The following OR6B1 variants were observed in gnomAD, a reference collection of about 807,000 sequenced individuals.
The protein encoded by OR6B1 is olfactory receptor 6B1.
A neutral mutation model predicts 15.4 loss-of-function variants in OR6B1; 15 were observed. The ratio of observed to expected loss-of-function variants is 0.97; its 90% CI spans 0.65 to 1.50. The LOEUF is 1.50. Ranked by LOEUF, OR6B1 falls within the 40% of genes most tolerant of loss-of-function variation. The pLI is 0.00. For missense variants in OR6B1, 384 were observed against 385.0 expected (o/e 1.00, Z 0.02); for synonymous variants, 139 against 144.9 (o/e 0.96, Z 0.29).
chr7:144,004,849 C>G lies in OR6B1; in HGVS notation c.853C>G (p.Pro285Ala), dbSNP rs1317163155. The change falls in exon 2 of 2, where the codon CCT becomes GCT. Residue 285 changes from proline to alanine, a missense_variant. Physicochemically the swap from Pro to Ala is conservative, Grantham distance 27 (BLOSUM62 -1). Transcript: ENST00000641698. ...TGCCATTGTCACTCCTTCTCTCAAC[C>G]CTTTCATTTATTGCCTAAGAAACCG... ...FYAIVTPSLNPFIYCLRNREV... is the reference protein window; with the variant it reads ...FYAIVTPSLNAFIYCLRNREV... The G allele has an allele frequency of 1.9e-6, 3 of 1,613,280 alleles. No individual in the cohort carries two copies. In the African/African-American group the frequency reaches 4.0e-5, roughly 22 times the overall value.
Position 144,006,999 on chromosome 7 carries a change from T to C in OR6B1, c.*2067T>C, listed in dbSNP as rs1474152487. On this transcript the variant is annotated 3_prime_UTR_variant, in exon 2 of 2. Transcript: ENST00000641698. ...GGAAAACTGTTTGGGAAGGCTATGC[T>C]CTCTGGACCTGTCTAAAACAATTCC... 3.9e-5 allele frequency: 6 copies of C among 152,200 alleles called. No individual in the cohort carries two copies. Among genetic ancestry groups the C allele is most frequent in the Non-Finnish European group, 8.8e-5 (6 of 68,030 alleles). 9.4% of individuals were successfully genotyped at this position (152,200 alleles called of 1,614,324 possible).
In OR6B1 at chr7:144,004,215, C is replaced by T; in HGVS notation, c.219C>T (p.Tyr73=). The part of the protein sequence containing the change: ...LANLSFLETW[Y]ISVTVPKLLF... ...ACCTGTCCTTCTTGGAGACCTGGTA[C>T]ATCTCTGTGACTGTGCCCAAGTTAC... The change falls in exon 2 of 2, where the codon TAC becomes TAT. Residue 73 remains tyrosine, a synonymous_variant. Transcript: ENST00000641698. 6.2e-7 allele frequency: 1 copy of T among 1,614,164 alleles called. No homozygotes were observed. The highest frequency in any genetic ancestry group is 8.5e-7 in the Non-Finnish European group (1 of 1,180,014).
chr7:144,002,957 C>A (rs1038782788), intron 1 of OR6B1, among the ~76,000 whole-genome samples: 4 of 152,138 alleles, frequency 2.6e-5, no homozygotes, highest in Admixed American at 2.6e-4. Context: ...GTCAGAGGGA[C>A]CTTTCCTGAT....
chr7:144,005,139 A>ACATTGG lies in OR6B1; in HGVS notation c.*207_*208insCATTGG. 1 of 521,426 alleles carries ACATTGG rather than the reference A, an allele frequency of 1.9e-6. No individual in the cohort carries two copies. Among genetic ancestry groups the ACATTGG allele is most frequent in the Non-Finnish European group, 3.4e-6 (1 of 295,798 alleles). The allele number at this position is 521,426 out of a possible 1,614,324, so 32.3% of individuals were successfully genotyped here. On this transcript the variant is annotated 3_prime_UTR_variant, in exon 2 of 2. Coordinates refer to ENST00000641698, the MANE Select transcript of OR6B1 (RefSeq NM_001005281.3). Reference sequence around the variant, plus strand: ...CACCTTCTAGAGAGCTAGAGAAAACAGTTCTCAATGGTTGTGACCCCAAAT... The same window carrying ACATTGG: ...CACCTTCTAGAGAGCTAGAGAAAACACATTGGGTTCTCAATGGTTGTGACCCCAAAT...
rs778381486 is a variant in OR6B1 at position 144,003,956 on chromosome 7, G to T, written c.-25-16G>T. 1.9e-5 allele frequency: 27 copies of T among 1,408,540 alleles called. No individual in the cohort carries two copies. The highest frequency in any genetic ancestry group is 2.5e-5 in the Non-Finnish European group (26 of 1,023,308). 87.3% of individuals were successfully genotyped at this position (1,408,540 alleles called of 1,614,324 possible). On this transcript the variant is annotated splice_polypyrimidine_tract_variant and intron_variant, in intron 1 of 1. Coordinates refer to ENST00000641698, the MANE Select transcript of OR6B1 (RefSeq NM_001005281.3). ...GCTGGGCCATGGAGTCTGATCAAAT[G>T]ATTTTTCCTCCCCAGGAGAGCTAAG...
rs2050616085 is a variant in OR6B1 at position 144,005,111 on chromosome 7, A to G, written c.*179A>G. On this transcript the variant is annotated 3_prime_UTR_variant, in exon 2 of 2. Transcript: ENST00000641698. ...TGCATATGGTCAGTGCTCTAAGGCC[A>G]TACACCTTCTAGAGAGCTAGAGAAA... The G allele has an allele frequency of 1.7e-6, 1 of 576,502 alleles. No homozygotes were observed. The highest frequency in any genetic ancestry group is 3.2e-5 in the Admixed American group (1 of 30,776). The allele number at this position is 576,502 out of a possible 1,614,324, so 35.7% of individuals were successfully genotyped here. A position where few individuals can be genotyped will look rare whatever the true frequency, so the allele number is the denominator to read the frequency against.
Position 144,006,516 on chromosome 7 carries a change from T to A in OR6B1, c.*1584T>A, listed in dbSNP as rs2050625629. ...AATGCTTAAAATGGAAAGGATTTAA[T>A]GTTTGCTTCTGGAATGTAGTTTGGT... On this transcript the variant is annotated 3_prime_UTR_variant, in exon 2 of 2. Transcript: ENST00000641698. 1 of 152,238 alleles carries A rather than the reference T, an allele frequency of 6.6e-6. No individual in the cohort carries two copies. Among genetic ancestry groups the A allele is most frequent in the Non-Finnish European group, 1.5e-5 (1 of 68,030 alleles). 9.4% of individuals were successfully genotyped at this position (152,238 alleles called of 1,614,324 possible).
chr7:144,001,330 A>G (rs1451651093), intron 1 of OR6B1, among the ~76,000 whole-genome samples: 4 of 152,224 alleles, frequency 2.6e-5, no homozygotes, highest in Non-Finnish European at 5.9e-5. Flanking sequence ...AGAAATAAGG[A>G]ATTCTTTGTT....
chr7:144,004,369 G>A lies in OR6B1; in HGVS notation c.373G>A (p.Ala125Thr). Residue 125 changes from alanine (A) to threonine (T), a missense_variant, in exon 2 of 2, where the codon GCC (alanine) becomes ACC (threonine). By Grantham distance (58) the Ala-to-Thr change is moderately conservative (BLOSUM62 0). Transcript: ENST00000641698. ...CGCCATGGCCTATGACCGGTATGTGGCCATCTGTCGCCCACTCCACTACCC... is the reference window on the plus strand; with the variant it reads ...CGCCATGGCCTATGACCGGTATGTGACCATCTGTCGCCCACTCCACTACCC... ...LAAMAYDRYV[A>T]ICRPLHYPTI... is the part of the protein sequence containing the mutation. The A allele has an allele frequency of 6.2e-7, 1 of 1,614,190 alleles. No individual in the cohort carries two copies. The highest frequency in any genetic ancestry group is 8.5e-7 in the Non-Finnish European group (1 of 1,180,036).
rs1180333071 is a variant in OR6B1, at chr7:144,006,365, C to T, written c.*1433C>T. 1 of 152,086 alleles carries T rather than the reference C, an allele frequency of 6.6e-6. No homozygotes were observed. Among genetic ancestry groups the T allele is most frequent in the Admixed American group, 6.6e-5 (1 of 15,262 alleles). The allele number at this position is 152,086 out of a possible 1,614,324, so 9.4% of individuals were successfully genotyped here. ...GGAATATAGTTGGAATTATGAATTA[C>T]TATACCTGCAGAACAGTAATAAAAT... On this transcript the variant is annotated 3_prime_UTR_variant, in exon 2 of 2. Transcript: ENST00000641698.
At position 144,000,383 on chromosome 7, in the gene OR6B1, C is replaced by T. The variant is rs1335768171; in HGVS notation, c.-293C>T. 5 of 152,672 alleles carry T rather than the reference C, an allele frequency of 3.3e-5. No homozygotes were observed. The East Asian group carries it at 7.7e-4, about 24-fold the overall frequency. 9.5% of individuals were successfully genotyped at this position (152,672 alleles called of 1,614,324 possible). On this transcript the variant is annotated 5_prime_UTR_variant, in exon 1 of 2. Transcript: ENST00000641698. ...ATGTTCACCAGGAAGGTGATGGGCA[C>T]CCTAGTCCCAGGGTGCTGGACGAAG... is the stretch of plus-strand genomic sequence containing the variant.
At position 144,004,827 on chromosome 7, in the gene OR6B1, C is replaced by T. The variant is rs534528176; in HGVS notation, c.831C>T (p.Ala277=). The change falls in exon 2 of 2, where the codon GCC becomes GCT. Residue 277 remains alanine, a synonymous_variant. Transcript: ENST00000641698. ...ACAAAATTATTTCCATCTTCTATGC[C>T]ATTGTCACTCCTTCTCTCAACCCTT... The part of the protein sequence containing the change: ...NMNKIISIFY[A]IVTPSLNPFI... 12 of 1,613,720 alleles carry T rather than the reference C, an allele frequency of 7.4e-6. No individual in the cohort carries two copies. The highest frequency in any genetic ancestry group is 1.7e-5 in the Admixed American group (1 of 60,022).
rs770499569 is a variant in OR6B1, at chr7:144,004,672, T to C, written c.676T>C (p.Leu226=). 6.2e-7 allele frequency: 1 copy of C among 1,614,230 alleles called. No individual in the cohort carries two copies. Among genetic ancestry groups the C allele is most frequent in the South Asian group, 1.1e-5 (1 of 91,086 alleles). The part of the protein sequence containing the change: ...LSYGCILATI[L]CMPTGKQKAF... ...CTACGGATGCATTCTGGCCACCATA[T>C]TATGCATGCCCACAGGAAAGCAGAA... is the stretch of plus-strand genomic sequence containing the variant. The change falls in exon 2 of 2, where the codon TTA becomes CTA. Residue 226 remains leucine, a synonymous_variant. Transcript: ENST00000641698.
At position 144,005,923 on chromosome 7, in the gene OR6B1, G is replaced by C. The variant is rs972973122; in HGVS notation, c.*991G>C. ...GCTTTACACCCATAGAAGGTACATA[G>C]ATATGCTTGCTCTTGGTTCATAGTT... On this transcript the variant is annotated 3_prime_UTR_variant, in exon 2 of 2. Transcript: ENST00000641698. 1 of 152,200 alleles carries C rather than the reference G, an allele frequency of 6.6e-6. No homozygotes were observed. The highest frequency in any genetic ancestry group is 1.5e-5 in the Non-Finnish European group (1 of 68,044). 9.4% of individuals were successfully genotyped at this position (152,200 alleles called of 1,614,324 possible).
chr7:144,003,848 T>A (rs1291531643), intron 1 of OR6B1, 124 bp from the exon 2 acceptor site: 2 of 595,868 alleles, frequency 3.4e-6, no homozygotes, highest in Non-Finnish European at 5.9e-6. Context: ...GTGCCTCACG[T>A]ACCCAGTTCA....
At position 144,006,092 on chromosome 7, in the gene OR6B1, A is replaced by T. The variant is rs1222519174; in HGVS notation, c.*1160A>T. The stretch of plus-strand genomic sequence containing the variant: ...AACATCTTTTAGCTAAGAACAAACC[A>T]CACTTTCAAGAATGCTTTCTCTTTC... On this transcript the variant is annotated 3_prime_UTR_variant, in exon 2 of 2. Coordinates refer to ENST00000641698, the MANE Select transcript of OR6B1 (RefSeq NM_001005281.3). The T allele has an allele frequency of 6.6e-6, 1 of 152,226 alleles. No homozygotes were observed. Among genetic ancestry groups the T allele is most frequent in the Non-Finnish European group, 1.5e-5 (1 of 68,044 alleles). The allele number at this position is 152,226 out of a possible 1,614,324, so 9.4% of individuals were successfully genotyped here.
intron 1 of OR6B1, 126 bp downstream of exon 1, chr7:144,000,776 C>T (rs1182305820): frequency 2.0e-5 from 3 of 152,414 alleles, no homozygotes; most frequent in African/African-American, 7.2e-5. Context: ...ACTCTCAATT[C>T]CTAGCAATCG....
chr7:144,005,386 G>A lies in OR6B1; in HGVS notation c.*454G>A. On this transcript the variant is annotated 3_prime_UTR_variant, in exon 2 of 2. Coordinates refer to ENST00000641698, the MANE Select transcript of OR6B1 (RefSeq NM_001005281.3). ...GGAGTGAATTTTGGTGGCAGAGACTGCTTCCTGAGTTTTTGCAACACTTTT... is the reference window on the plus strand; with the variant it reads ...GGAGTGAATTTTGGTGGCAGAGACTACTTCCTGAGTTTTTGCAACACTTTT... 1 of 156,794 alleles carries A rather than the reference G, an allele frequency of 6.4e-6. No homozygotes were observed. Among genetic ancestry groups the A allele is most frequent in the Non-Finnish European group, 1.4e-5 (1 of 71,186 alleles). The allele number at this position is 156,794 out of a possible 1,614,324, so 9.7% of individuals were successfully genotyped here.
chr7:144,003,971 G>T lies in OR6B1; in HGVS notation c.-25-1G>T. The T allele has an allele frequency of 6.5e-7, 1 of 1,535,990 alleles. No homozygotes were observed. Among genetic ancestry groups the T allele is most frequent in the Non-Finnish European group, 8.9e-7 (1 of 1,126,120 alleles). ...CTGATCAAATGATTTTTCCTCCCCA[G>T]GAGAGCTAAGCCCTGTGTCTCCAAT... On this transcript the variant is annotated splice_acceptor_variant, in intron 1 of 1. Coordinates refer to ENST00000641698, the MANE Select transcript of OR6B1 (RefSeq NM_001005281.3). LOFTEE classifies it low-confidence loss of function (5UTR_SPLICE).
Sources: allele counts gnomAD v4.1 joint callset (sites outside exome capture counted in the v4.1 genomes callset), GRCh38; gene constraint gnomAD v4.1.1; transcripts MANE v1.5; gene names NCBI Gene and HGNC (gene_info 2026-07-23, HGNC 2026-07-21).